CACNA2D3: variants seen among roughly 807,000 people sequenced by gnomAD.
CACNA2D3 encodes the protein voltage-dependent calcium channel subunit alpha-2/delta-3.
Under a neutral mutation model 160.6 loss-of-function variants are expected in CACNA2D3, and 60 were observed. That is an observed-to-expected ratio of 0.37 (90% CI 0.30 to 0.46). CACNA2D3 has a LOEUF of 0.46. Ranked by LOEUF, CACNA2D3 falls within the 20% of genes least tolerant of loss-of-function variation. The pLI is 1.00. For missense variants in CACNA2D3, 1,205 were observed against 1,365.0 expected (o/e 0.88, Z 1.85); for synonymous variants, 558 against 492.9 (o/e 1.13, Z -1.75).
At chr3:54,596,234 G>A (rs1395374291) in intron 9 of CACNA2D3, among the ~76,000 whole-genome samples, 2 of 151,900 alleles carry the variant, frequency 1.3e-5, no homozygotes, top group African/African-American at 4.8e-5. Context: ...AGTCTAGCTG[G>A]CCCTCCGCAG....
chr3:54,811,769 G>T (rs1032554353), intron 13 of CACNA2D3, among the ~76,000 whole-genome samples: 2 of 152,078 alleles, frequency 1.3e-5, no homozygotes, highest in Non-Finnish European at 2.9e-5. Flanking sequence ...CCAAAGTGCT[G>T]GGAGCACAGG....
intron 13 of CACNA2D3, among the ~76,000 whole-genome samples, chr3:54,772,667 C>G (rs1702341747): frequency 6.6e-6 from 1 of 152,062 alleles, no homozygotes; most frequent in African/African-American, 2.4e-5. Context: ...CTAATAAGAT[C>G]TCATGTATTA....
At chr3:54,531,681 C>G (rs79241345) in intron 5 of CACNA2D3, among the ~76,000 whole-genome samples, 25 of 152,256 alleles carry the variant, frequency 1.6e-4, no homozygotes, top group Admixed American at 7.2e-4. Flanking sequence ...TTCGGAATGT[C>G]GGAAGTCATC....
intron 13 of CACNA2D3, among the ~76,000 whole-genome samples, chr3:54,764,738 T>A (rs1307507333): frequency 1.3e-5 from 2 of 152,208 alleles, no homozygotes; most frequent in African/African-American, 4.8e-5. Context: ...CAATTGGGAA[T>A]GTAACCAAAG....
At chr3:54,963,708 G>T (rs1206915834) in intron 27 of CACNA2D3, among the ~76,000 whole-genome samples, 1 of 152,164 alleles carries the variant, frequency 6.6e-6, no homozygotes, top group African/African-American at 2.4e-5. Flanking sequence ...TGGGGATGCT[G>T]AAGTGTGAAT....
chr3:54,749,061 G>GT (rs1701809418), intron 11 of CACNA2D3, among the ~76,000 whole-genome samples: 1 of 152,118 alleles, frequency 6.6e-6, no homozygotes, highest in Non-Finnish European at 1.5e-5. Flanking sequence ...TTCCTATGTT[G>GT]TAACAGAATT....
At chr3:54,778,337 C>A (rs1487593910) in intron 13 of CACNA2D3, among the ~76,000 whole-genome samples, 3 of 152,128 alleles carry the variant, frequency 2.0e-5, no homozygotes, top group African/African-American at 7.2e-5. Context: ...ATCCTCCAGC[C>A]TTAACCTACT....
intron 3 of CACNA2D3, among the ~76,000 whole-genome samples, chr3:54,373,845 T>C (rs907674974): frequency 6.6e-6 from 1 of 152,150 alleles, no homozygotes; most frequent in Admixed American, 6.5e-5. Context: ...AAGCCTTCTT[T>C]CACCTTGCAT....
At chr3:54,424,346 A>G (rs112370275) in intron 4 of CACNA2D3, among the ~76,000 whole-genome samples, 71 of 152,284 alleles carry the variant, frequency 4.7e-4, no homozygotes, top group African/African-American at 1.5e-3. Flanking sequence ...AAAAAGTGCT[A>G]ATGTTGATTG....
At chr3:54,949,368 C>G (rs1701697928) in intron 27 of CACNA2D3, among the ~76,000 whole-genome samples, 1 of 152,174 alleles carries the variant, frequency 6.6e-6, no homozygotes, top group Non-Finnish European at 1.5e-5. Flanking sequence ...AGGGGACATG[C>G]CTGCTCAGCT....
At chr3:54,686,022 C>T (rs1700443016) in intron 11 of CACNA2D3, among the ~76,000 whole-genome samples, 1 of 152,200 alleles carries the variant, frequency 6.6e-6, no homozygotes, top group Admixed American at 6.5e-5. Flanking sequence ...TACAGAAATA[C>T]TTTTACCATT....
At chr3:54,920,588 G>A (rs371087754) in intron 27 of CACNA2D3, among the ~76,000 whole-genome samples, 2 of 152,190 alleles carry the variant, frequency 1.3e-5, no homozygotes, top group South Asian at 2.1e-4. Flanking sequence ...TTGAGATTAA[G>A]GATTCTTGCC....
intron 2 of CACNA2D3, among the ~76,000 whole-genome samples, chr3:54,221,420 A>T (rs191934639): frequency 2.0e-5 from 3 of 152,218 alleles, no homozygotes; most frequent in African/African-American, 7.2e-5. Context: ...AATTATTTTC[A>T]CTAGGTACTG....
chr3:54,127,834 A>T (rs1699626193), intron 2 of CACNA2D3, among the ~76,000 whole-genome samples: 1 of 152,182 alleles, frequency 6.6e-6, no homozygotes, highest in South Asian at 2.1e-4. Context: ...TGTGCCTCTT[A>T]TGCATATAGC....
rs1699195007 is a variant in CACNA2D3 at position 54,386,768 on chromosome 3, C to T, written c.375C>T (p.Asp125=). The change falls in exon 4 of 38, where the codon GAC becomes GAT. Residue 125 remains aspartate (D), a synonymous_variant. Transcript: ENST00000474759. ...ACCTGAAACATGAATTTGATGCAGACTTACAGGTAACTGATTATAGTTTGA... is the reference window on the plus strand; with the variant it reads ...ACCTGAAACATGAATTTGATGCAGATTTACAGGTAACTGATTATAGTTTGA... ...EAHLKHEFDA[D]LQYEYFNAVL... 2 of 1,585,806 alleles carry T rather than the reference C, an allele frequency of 1.3e-6. No individual in the cohort carries two copies. Among genetic ancestry groups the T allele is most frequent in the African/African-American group, 2.7e-5 (2 of 73,588 alleles).
intron 27 of CACNA2D3, among the ~76,000 whole-genome samples, chr3:54,903,063 C>T (rs934630519): frequency 5.3e-5 from 8 of 151,808 alleles, no homozygotes; most frequent in Admixed American, 2.6e-4. Context: ...TTTTATTTAA[C>T]TTTATTTTAA....
At chr3:54,968,747 C>G (rs991044078) in intron 28 of CACNA2D3, among the ~76,000 whole-genome samples, 2 of 152,212 alleles carry the variant, frequency 1.3e-5, no homozygotes, top group Admixed American at 6.5e-5. Context: ...ATTGTGGGAT[C>G]AAGATAGTGA....
intron 10 of CACNA2D3, among the ~76,000 whole-genome samples, chr3:54,629,356 C>T (rs1195306082): frequency 6.6e-6 from 1 of 152,140 alleles, no homozygotes; most frequent in Admixed American, 6.5e-5. Flanking sequence ...TTTTACTACT[C>T]AGCTATACTG....
intron 4 of CACNA2D3, among the ~76,000 whole-genome samples, chr3:54,460,713 A>G (rs1005190070): frequency 2.0e-5 from 3 of 152,172 alleles, no homozygotes; most frequent in Admixed American, 6.5e-5. Flanking sequence ...CAATCATGTC[A>G]TCTGCAAACA....
Sources: allele counts gnomAD v4.1 joint callset (sites outside exome capture counted in the v4.1 genomes callset), GRCh38; gene constraint gnomAD v4.1.1; transcripts MANE v1.5; gene names NCBI Gene and HGNC (gene_info 2026-07-23, HGNC 2026-07-21).